Variants in ZNF385D observed in about 807,000 individuals in gnomAD.
ZNF385D encodes zinc finger protein 659.
A neutral mutation model predicts 35.8 loss-of-function variants in ZNF385D; 15 were observed. The observed-to-expected ratio is 0.42, with a 90% CI of 0.28 to 0.64. The LOEUF (loss-of-function observed/expected upper bound fraction) is 0.64. Ranked by LOEUF, ZNF385D falls within the 30% of genes least tolerant of loss-of-function variation. The pLI is 0.23. For missense variants in ZNF385D, 474 were observed against 494.6 expected (o/e 0.96, Z 0.39); for synonymous variants, 212 against 186.8 (o/e 1.13, Z -1.10).
intron 2 of ZNF385D, among the ~76,000 whole-genome samples, chr3:21,628,163 C>A (rs899886677): frequency 6.6e-6 from 1 of 152,024 alleles, no homozygotes; most frequent in Non-Finnish European, 1.5e-5. Flanking sequence ...GGTGGTGACA[C>A]ATATAGGAAA....
At chr3:22,087,184 G>C (rs990077787) in intron 3 of ZNF385D, among the ~76,000 whole-genome samples, 1 of 152,070 alleles carries the variant, frequency 6.6e-6, no homozygotes, top group Non-Finnish European at 1.5e-5. Context: ...TTACTGAAAA[G>C]TATGTCATAT....
At chr3:22,128,181 A>G (rs1456037932) in intron 3 of ZNF385D, among the ~76,000 whole-genome samples, 1 of 152,178 alleles carries the variant, frequency 6.6e-6, no homozygotes, top group African/African-American at 2.4e-5. Context: ...GTTTTTTTCC[A>G]TCAGCACTTT....
intron 2 of ZNF385D, chr3:22,169,040 G>A: frequency 2.0e-6 from 2 of 984,758 alleles, no homozygotes; most frequent in Non-Finnish European, 2.4e-6. Context: ...TGAAATCTGA[G>A]GGTGCAAGGA....
At chr3:21,966,895 C>T (rs558476644) in intron 3 of ZNF385D, among the ~76,000 whole-genome samples, 1 of 152,164 alleles carries the variant, frequency 6.6e-6, no homozygotes, top group East Asian at 1.9e-4. Flanking sequence ...TGAGCCACAG[C>T]CCCTGGCCTA....
chr3:21,429,243 A>T (rs1160969435), intron 5 of ZNF385D, among the ~76,000 whole-genome samples: 1 of 151,992 alleles, frequency 6.6e-6, no homozygotes, highest in Non-Finnish European at 1.5e-5. Context: ...CACCAACTAG[A>T]GGTATATAAA....
At chr3:21,911,642 G>A (rs1456983276) in intron 3 of ZNF385D, among the ~76,000 whole-genome samples, 1 of 151,816 alleles carries the variant, frequency 6.6e-6, no homozygotes, top group African/African-American at 2.4e-5. Context: ...TTGAGAAATA[G>A]TAGCTATATT....
intron 2 of ZNF385D, among the ~76,000 whole-genome samples, chr3:22,322,323 AT>A (rs933685465): frequency 6.6e-6 from 1 of 152,116 alleles, no homozygotes; most frequent in African/African-American, 2.4e-5. Flanking sequence ...CCTCAAATAT[AT>A]TTTTTTGTCT....
At chr3:22,140,493 G>A (rs147371786) in intron 3 of ZNF385D, among the ~76,000 whole-genome samples, 9 of 152,104 alleles carry the variant, frequency 5.9e-5, no homozygotes, top group African/African-American at 9.7e-5. Flanking sequence ...TTATGAAAAT[G>A]TATCTATGTG....
chr3:21,750,510 C>G (rs940609202), intron 1 of ZNF385D, among the ~76,000 whole-genome samples: 2 of 152,020 alleles, frequency 1.3e-5, no homozygotes, highest in African/African-American at 2.4e-5. Context: ...ATTGACTAAG[C>G]TTTCACAGCA....
At chr3:21,536,272 C>T (rs2062034018) in intron 3 of ZNF385D, among the ~76,000 whole-genome samples, 1 of 152,018 alleles carries the variant, frequency 6.6e-6, no homozygotes, top group Non-Finnish European at 1.5e-5. Flanking sequence ...AAGCCTGGAT[C>T]CACTATAAAA....
chr3:21,937,107 A>G (rs1405724203), intron 3 of ZNF385D, among the ~76,000 whole-genome samples: 1 of 152,224 alleles, frequency 6.6e-6, no homozygotes, highest in Non-Finnish European at 1.5e-5. Context: ...GCTGCAAGAA[A>G]GAAAAAAAAT....
At chr3:22,113,422 G>T (rs919832110) in intron 3 of ZNF385D, among the ~76,000 whole-genome samples, 2 of 151,884 alleles carry the variant, frequency 1.3e-5, no homozygotes, top group Non-Finnish European at 2.9e-5. Flanking sequence ...CTTATTTAAG[G>T]CAATGAATTA....
At chr3:21,789,254 T>C (rs1014910090) in intron 3 of ZNF385D, among the ~76,000 whole-genome samples, 1 of 152,162 alleles carries the variant, frequency 6.6e-6, no homozygotes, top group Non-Finnish European at 1.5e-5. Flanking sequence ...GGCATTCTAA[T>C]TTAGAAATTT....
intron 3 of ZNF385D, among the ~76,000 whole-genome samples, chr3:22,081,189 G>C (rs1700733911): frequency 6.6e-6 from 1 of 152,044 alleles, no homozygotes; most frequent in Non-Finnish European, 1.5e-5. Context: ...TTAGATATTT[G>C]TTAAATTAAA....
intron 1 of ZNF385D, among the ~76,000 whole-genome samples, chr3:21,735,848 T>C (rs1039097417): frequency 1.5e-4 from 23 of 152,340 alleles, no homozygotes; most frequent in Middle Eastern, 3.4e-3. Flanking sequence ...TTGAGTATTG[T>C]TCATACTTTA....
chr3:21,463,224 A>AAT (rs1553589032), intron 4 of ZNF385D, among the ~76,000 whole-genome samples: 1 of 151,920 alleles, frequency 6.6e-6, no homozygotes, highest in Non-Finnish European at 1.5e-5. Flanking sequence ...GAGCAAAAAA[A>AAT]ATTCAATAGC....
intron 3 of ZNF385D, among the ~76,000 whole-genome samples, chr3:22,154,905 G>A (rs1705490919): frequency 6.6e-6 from 1 of 152,118 alleles, no homozygotes; most frequent in African/African-American, 2.4e-5. Flanking sequence ...ATCAAAAGGA[G>A]CATGATATTA....
intron 3 of ZNF385D, among the ~76,000 whole-genome samples, chr3:22,122,056 A>G (rs1043011750): frequency 6.6e-6 from 1 of 152,170 alleles, no homozygotes; most frequent in African/African-American, 2.4e-5. Context: ...GATAGCCACT[A>G]GAGCAACATG....
chr3:22,364,375 T>C (rs1399827260), intron 2 of ZNF385D, among the ~76,000 whole-genome samples: 2 of 152,034 alleles, frequency 1.3e-5, no homozygotes, highest in Non-Finnish European at 2.9e-5. Flanking sequence ...AGGATTAATA[T>C]CTAGAATATA....
Sources: allele counts gnomAD v4.1 joint callset (sites outside exome capture counted in the v4.1 genomes callset), GRCh38; gene constraint gnomAD v4.1.1; transcripts MANE v1.5; gene names NCBI Gene and HGNC (gene_info 2026-07-23, HGNC 2026-07-21).